The following SH3TC1 variants were observed in gnomAD, a reference collection of about 807,000 sequenced individuals.
SH3TC1 encodes SH3 domain and tetratricopeptide repeats 1.
In SH3TC1, 135 loss-of-function variants were observed where a neutral mutation model predicts 117.3. The ratio of observed to expected loss-of-function variants is 1.15; its 90% CI spans 1.00 to 1.33. SH3TC1 has a LOEUF of 1.33. Among genes scored for constraint, SH3TC1 ranks in the 40% most tolerant of loss-of-function variants. SH3TC1 has a pLI of 0.00. For missense variants in SH3TC1, 2,092 were observed against 1,794.3 expected (o/e 1.17, Z -3.00); for synonymous variants, 898 against 816.9 (o/e 1.10, Z -1.69).
chr4:8,223,867 T>C (rs1178818938), intron 10 of SH3TC1, among the ~76,000 whole-genome samples: 1 of 152,172 alleles, frequency 6.6e-6, no homozygotes, highest in African/African-American at 2.4e-5. Flanking sequence ...ACTCCTGAGC[T>C]CAGGTGATCC....
rs1215775909 is a variant in SH3TC1, at chr4:8,227,098, C to T, written c.1404C>T (p.Leu468=). The change falls in exon 12 of 18, where the codon CTC becomes CTT. Residue 468 remains leucine (L), a synonymous_variant. Coordinates refer to ENST00000245105, the MANE Select transcript of SH3TC1 (RefSeq NM_018986.5). ...GCPQEPASWG[L]CAASSDVSLQ... is the part of the protein sequence containing the mutation. ...CCCAGGAGCCAGCGTCCTGGGGTCT[C>T]TGTGCGGCATCCAGCGACGTGAGCT... is the stretch of plus-strand genomic sequence containing the variant. 1.2e-6 allele frequency: 2 copies of T among 1,612,612 alleles called. No homozygotes were observed.
At chr4:8,234,578 TCCAC>T (rs1287417545) in intron 14 of SH3TC1, among the ~76,000 whole-genome samples, 1 of 76,796 alleles carries the variant, frequency 1.3e-5, no homozygotes, top group Non-Finnish European at 3.9e-5. Context: ...TATCCATCCA[TCCAC>T]CCATCCATCC....
chr4:8,239,003 G>A (rs972777807), intron 17 of SH3TC1, among the ~76,000 whole-genome samples: 7 of 152,162 alleles, frequency 4.6e-5, no homozygotes, highest in Non-Finnish European at 8.8e-5. Context: ...TAGAGGTGCC[G>A]GATCCAGGGC....
In SH3TC1 at chr4:8,192,259, G is replaced by A. The variant is rs915448344; in HGVS notation, c.-57+10049G>A. On this transcript the variant is annotated intron_variant, in intron 1 of 16. Coordinates refer to the SH3TC1 transcript ENST00000508641. The surrounding 1 kb of genome is among the most constrained non-coding windows in gnomAD (Gnocchi z 4.1). Reference sequence around the variant, plus strand: ...TCTGCACCCCCCTCGGCCTCCCAAAGTGCTGGGATTACAGGCGTGAGCCAC... The same window carrying A: ...TCTGCACCCCCCTCGGCCTCCCAAAATGCTGGGATTACAGGCGTGAGCCAC... Among the ~76,000 whole-genome samples, 1 of 151,872 alleles carries A rather than the reference G, an allele frequency of 6.6e-6. No homozygotes were observed. The highest frequency in any genetic ancestry group is 1.5e-5 in the Non-Finnish European group (1 of 67,982).
Position 8,234,339 on chromosome 4 carries a change from TGTCTGTCC to T in SH3TC1, c.3282+827_3282+834del, listed in dbSNP as rs372587615. Among the ~76,000 whole-genome samples the T allele has an allele frequency of 4.1e-3, 620 of 151,664 alleles. 6 individuals carry two copies. Among genetic ancestry groups the T allele is most frequent in the African/African-American group, 0.013 (527 of 41,346 alleles). On this transcript the variant is annotated intron_variant, in intron 14 of 17. Coordinates refer to ENST00000245105, the MANE Select transcript of SH3TC1 (RefSeq NM_018986.5). ...CCATTAATCCATCCCTCCATTCGTCTGTCTGTCCATTTGTTTATCCATACATTCGTCTA... is the reference window on the plus strand; with the variant it reads ...CCATTAATCCATCCCTCCATTCGTCTATTTGTTTATCCATACATTCGTCTA...
intron 17 of SH3TC1, among the ~76,000 whole-genome samples, chr4:8,239,541 TGCACACACACAG>T (rs1578763240): frequency 7.7e-6 from 1 of 130,332 alleles, no homozygotes; most frequent in African/African-American, 3.0e-5. Context: ...CACACAGACA[TGCACACACACAG>T]GCACATGCAC....
At chr4:8,185,113 A>G (rs1435078379) in intron 1 of SH3TC1, among the ~76,000 whole-genome samples, 1 of 150,882 alleles carries the variant, frequency 6.6e-6, no homozygotes, top group Non-Finnish European at 1.5e-5. Context: ...AGGCGGGTGG[A>G]TCACTTGAGG....
rs985256757 is a variant in SH3TC1 at position 8,192,883 on chromosome 4, A to G, written c.-57+10673A>G. On this transcript the variant is annotated intron_variant, in intron 1 of 16. Coordinates refer to the SH3TC1 transcript ENST00000508641. This position sits in a 1 kb window ranked among gnomAD's most constrained non-coding sequence, Gnocchi z 4.1. ...GGCTTCTCTGTGCATATATTTGCAC[A>G]GTTGCAGGCATGACCAGGGTGGAGC... 6.6e-6 allele frequency among the ~76,000 whole-genome samples: 1 copy of G among 152,234 alleles called. No homozygotes were observed. Among genetic ancestry groups the G allele is most frequent in the African/African-American group, 2.4e-5 (1 of 41,460 alleles).
chr4:8,218,426 T>C, intron 8 of SH3TC1, 79 bp downstream of exon 8: 4 of 1,045,108 alleles, frequency 3.8e-6, no homozygotes, highest in Non-Finnish European at 5.8e-6. Flanking sequence ...GAAGTTGCCC[T>C]ACATCCTCCC....
At chr4:8,208,353 T>C (rs1320303635) in intron 2 of SH3TC1, among the ~76,000 whole-genome samples, 2 of 148,554 alleles carry the variant, frequency 1.3e-5, no homozygotes, top group East Asian at 4.0e-4. Flanking sequence ...CTTCTTTCCA[T>C]TTGAAACATT....
At chr4:8,219,614 G>T in intron 9 of SH3TC1, 84 bp downstream of exon 9, 1 of 1,357,394 alleles carries the variant, frequency 7.4e-7, no homozygotes, top group Non-Finnish European at 9.7e-7. Context: ...TGGCTCCCCA[G>T]GTAACAAGCC....
intron 9 of SH3TC1, among the ~76,000 whole-genome samples, chr4:8,220,493 C>T (rs532678193): frequency 6.6e-6 from 1 of 152,306 alleles, no homozygotes; most frequent in East Asian, 1.9e-4. Context: ...ATTCCCTGGT[C>T]ACTTCTGTGT....
chr4:8,203,319 T>C (rs1717964380), intron 1 of SH3TC1, among the ~76,000 whole-genome samples: 1 of 151,828 alleles, frequency 6.6e-6, no homozygotes, highest in African/African-American at 2.4e-5. Flanking sequence ...GGCTTGAGAA[T>C]TGCCTAGCCC....
At chr4:8,238,283 G>C (rs1237168578) in intron 17 of SH3TC1, among the ~76,000 whole-genome samples, 1 of 152,210 alleles carries the variant, frequency 6.6e-6, no homozygotes, top group Non-Finnish European at 1.5e-5. Context: ...CGGGGCCCCA[G>C]ACAGCCAGGC....
At chr4:8,234,160 C>T (rs548779477) in intron 14 of SH3TC1, among the ~76,000 whole-genome samples, 319 of 72,918 alleles carry the variant, frequency 4.4e-3, no homozygotes, top group Middle Eastern at 0.021. Flanking sequence ...ATCCATCCAT[C>T]CTTCCATCAT....
chr4:8,186,242 T>C lies in SH3TC1; in HGVS notation c.-57+4032T>C, dbSNP rs902482129. ...TTTGCTTGTTGCACATTAAAAGTAA[T>C]GGGAGTGAGGAACATCAGACAAACC... On this transcript the variant is annotated intron_variant, in intron 1 of 16. Transcript: ENST00000508641. The surrounding 1 kb of genome is among the most constrained non-coding windows in gnomAD (Gnocchi z 5.2). Among the ~76,000 whole-genome samples the C allele has an allele frequency of 1.4e-4, 21 of 152,134 alleles. 1 individual carries two copies. The highest frequency in any genetic ancestry group is 5.1e-4 in the African/African-American group (21 of 41,410).
chr4:8,187,387 G>A (rs778628478), intron 1 of SH3TC1, among the ~76,000 whole-genome samples: 6 of 151,268 alleles, frequency 4.0e-5, no homozygotes, highest in East Asian at 3.9e-4. Context: ...GCCACCATGC[G>A]CATCCCACAA....
Position 8,205,179 on chromosome 4 carries a change from G to A in SH3TC1, c.-16G>A. 1 of 1,500,644 alleles carries A rather than the reference G, an allele frequency of 6.7e-7. No individual in the cohort carries two copies. Among genetic ancestry groups the A allele is most frequent in the Non-Finnish European group, 8.9e-7 (1 of 1,124,898 alleles). The allele number at this position is 1,500,644 out of a possible 1,614,324, so 93.0% of individuals were successfully genotyped here. On this transcript the variant is annotated 5_prime_UTR_variant, in exon 2 of 18. It removes the in-frame stop codon of an upstream open reading frame in the 5' UTR. Transcript: ENST00000245105. The surrounding 1 kb of genome is among the most constrained non-coding windows in gnomAD (Gnocchi z 5.4). ...CCTCTGTCCACAGGGCCAGGCATGT[G>A]AGGTCTCTGCGGGTCATGGAGAACC...
chr4:8,220,833 T>C (rs1719849789), intron 9 of SH3TC1, among the ~76,000 whole-genome samples: 1 of 152,254 alleles, frequency 6.6e-6, no homozygotes, highest in Non-Finnish European at 1.5e-5. Context: ...CCGTCTGCTC[T>C]GGTACCTCTG....
Sources: allele counts gnomAD v4.1 joint callset (sites outside exome capture counted in the v4.1 genomes callset), GRCh38; gene constraint gnomAD v4.1.1; non-coding constraint Gnocchi (gnomAD v3.1); transcripts MANE v1.5; gene names NCBI Gene and HGNC (gene_info 2026-07-23, HGNC 2026-07-21).